The following CUX2 variants were observed in gnomAD, a reference collection of about 807,000 sequenced individuals.
CUX2 encodes homeobox protein cut-like 2.
A neutral mutation model predicts 144.8 loss-of-function variants in CUX2; 40 were observed. That is an observed-to-expected ratio of 0.28 (90% CI 0.21 to 0.36). CUX2 has a LOEUF of 0.36. Ranked by LOEUF, CUX2 falls within the 10% of genes least tolerant of loss-of-function variation. CUX2 has a pLI of 1.00. For missense variants in CUX2, 1,615 were observed against 1,994.0 expected, an observed-to-expected ratio of 0.81 and a Z score of 3.62; for synonymous variants, 827 against 875.6, an observed-to-expected ratio of 0.94 and a Z score of 0.98.
chr12:111,128,445 T>C (rs1255230777), intron 1 of CUX2, among the ~76,000 whole-genome samples: 2 of 152,198 alleles, frequency 1.3e-5, no homozygotes, highest in Non-Finnish European at 2.9e-5. Context: ...GAGAAGGCAG[T>C]GCAGCAGGAA....
chr12:111,100,039 G>C, intron 1 of CUX2: 4 of 456,850 alleles, frequency 8.8e-6, no homozygotes, highest in Non-Finnish European at 1.8e-5. Context: ...TGCTGCTGAC[G>C]GGCCCTCGGA....
intron 1 of CUX2, among the ~76,000 whole-genome samples, chr12:111,116,901 A>G (rs1167714061): frequency 3.3e-5 from 5 of 152,242 alleles, no homozygotes; most frequent in African/African-American, 9.6e-5. Context: ...GCAAGGGCAC[A>G]TACATTCATC....
intron 1 of CUX2, among the ~76,000 whole-genome samples, chr12:111,099,217 G>T (rs1873034630): frequency 6.6e-6 from 1 of 152,240 alleles, no homozygotes. Context: ...GCAGGAACGT[G>T]TGTTCAAGGT....
At position 111,293,640 on chromosome 12, in the gene CUX2, C is replaced by G; in HGVS notation, c.560+71C>G. The G allele has an allele frequency of 1.3e-6, 2 of 1,514,016 alleles. No individual in the cohort carries two copies. The highest frequency in any genetic ancestry group is 1.8e-6 in the Non-Finnish European group (2 of 1,127,330). 93.8% of individuals were successfully genotyped at this position (1,514,016 alleles called of 1,614,324 possible). ...CTCCTGCTGCCCCACCTGGCTGGGTCGTGGACGGGGAAAGTCTCCTACCAG... is the reference window on the plus strand; with the variant it reads ...CTCCTGCTGCCCCACCTGGCTGGGTGGTGGACGGGGAAAGTCTCCTACCAG... On this transcript the variant is annotated intron_variant, in intron 6 of 21. Transcript: ENST00000261726. The surrounding 1 kb of genome is among the most constrained non-coding windows in gnomAD (Gnocchi z 4.5).
In CUX2 at chr12:111,342,850, T is replaced by G. The variant is rs376344611; in HGVS notation, c.3659+797T>G. Among the ~76,000 whole-genome samples, 3 of 150,788 alleles carry G rather than the reference T, an allele frequency of 2.0e-5. No homozygotes were observed. The East Asian group carries it at 5.9e-4, about 30-fold the overall frequency. On this transcript the variant is annotated intron_variant, in intron 21 of 21. Coordinates refer to ENST00000261726, the MANE Select transcript of CUX2 (RefSeq NM_015267.4). ...GGTGCATGCCTATAGTGTCAACTAC[T>G]TGGGAGGCTGAGGCGGGAGACTCAT...
rs1592908295 is a variant in CUX2, at chr12:111,275,866, A to G, written c.301+12027A>G. The stretch of plus-strand genomic sequence containing the variant: ...CTTTGAACCTCAGGAGAGGCGGCCC[A>G]GGCTCAAGGTCTTGGGCAGGCCACA... On this transcript the variant is annotated intron_variant, in intron 4 of 21. Coordinates refer to ENST00000261726, the MANE Select transcript of CUX2 (RefSeq NM_015267.4). Among the ~76,000 whole-genome samples the G allele has an allele frequency of 4.6e-5, 7 of 152,248 alleles. No homozygotes were observed. In the South Asian group the frequency reaches 1.5e-3, roughly 32 times the overall value.
intron 18 of CUX2, among the ~76,000 whole-genome samples, chr12:111,332,149 T>G (rs1381185203): frequency 1.4e-5 from 2 of 147,990 alleles, no homozygotes; most frequent in Non-Finnish European, 3.0e-5. Flanking sequence ...TTTTTTTTTT[T>G]GGAAACAGAG....
chr12:111,310,388 G>C lies in CUX2; in HGVS notation c.1606G>C (p.Ala536Pro), dbSNP rs200889290. The C allele has an allele frequency of 6.2e-7, 1 of 1,605,288 alleles. No homozygotes were observed. The highest frequency in any genetic ancestry group is 8.5e-7 in the Non-Finnish European group (1 of 1,175,086). The stretch of plus-strand genomic sequence containing the variant: ...TGAGCCACTGGGCGGTCCTGAGCCC[G>C]CGGATGGTGGTGGGGGCGGAGCGGC... Reference protein sequence around the residue: ...GPEPLGGPEPADGGGGGAAGP... With the variant: ...GPEPLGGPEPPDGGGGGAAGP... The change falls in exon 15 of 22, where the codon GCG (alanine) becomes CCG (proline). Residue 536 changes from alanine to proline, a missense_variant. Ala to Pro is a conservative substitution (Grantham distance 27). Transcript: ENST00000261726. The surrounding 1 kb of genome is among the most constrained non-coding windows in gnomAD (Gnocchi z 7.9).
chr12:111,287,499 C>G lies in CUX2; in HGVS notation c.302-3919C>G, dbSNP rs1359544603. 6.6e-6 allele frequency among the ~76,000 whole-genome samples: 1 copy of G among 152,220 alleles called. No homozygotes were observed. The highest frequency in any genetic ancestry group is 1.5e-5 in the Non-Finnish European group (1 of 68,042). On this transcript the variant is annotated intron_variant, in intron 4 of 21. Transcript: ENST00000261726. The surrounding 1 kb of genome is among the most constrained non-coding windows in gnomAD (Gnocchi z 4.2). ...ATCCAGACTTGTAAATTAATTTGTT[C>G]GTGTTGTACAAAGGCAGTGCAGATG... is the stretch of plus-strand genomic sequence containing the variant.
At chr12:111,214,171 C>CT in intron 1 of CUX2, 29 bp from the exon 2 acceptor site, 1 of 1,176,622 alleles carries the variant, frequency 8.5e-7, no homozygotes, top group Non-Finnish European at 1.2e-6. Context: ...TTCTCTCTCT[C>CT]TCTTTTTTTT....
intron 1 of CUX2, among the ~76,000 whole-genome samples, chr12:111,040,162 C>T (rs192293148): frequency 1.4e-4 from 21 of 152,108 alleles, no homozygotes. Context: ...TGGCACCTGC[C>T]TGCAGTCCCA....
Position 111,121,013 on chromosome 12 carries a change from G to A in CUX2, c.63+86773G>A, listed in dbSNP as rs114311003. 4.4e-3 allele frequency among the ~76,000 whole-genome samples: 662 copies of A among 150,508 alleles called. 3 individuals carry two copies. Among genetic ancestry groups the A allele is most frequent in the African/African-American group, 0.016 (635 of 40,948 alleles). On this transcript the variant is annotated intron_variant, in intron 1 of 21. Transcript: ENST00000261726. The stretch of plus-strand genomic sequence containing the variant: ...ATTTCCAGATTCCTGCCTGTCACCC[G>A]CCAGACTTTTAAGGGTTCTACGCTT...
intron 1 of CUX2, among the ~76,000 whole-genome samples, chr12:111,064,806 G>A (rs1256998282): frequency 6.6e-6 from 1 of 152,176 alleles, no homozygotes; most frequent in African/African-American, 2.4e-5. Flanking sequence ...CCATCTCTGA[G>A]CCTCAGTCTT....
chr12:111,135,055 G>A (rs992400672), intron 1 of CUX2, among the ~76,000 whole-genome samples: 4 of 152,162 alleles, frequency 2.6e-5, no homozygotes, highest in Non-Finnish European at 4.4e-5. Context: ...GGGGACTGTT[G>A]ATTGAGCACC....
chr12:111,215,369 C>G (rs1881476699), intron 2 of CUX2, among the ~76,000 whole-genome samples: 1 of 152,180 alleles, frequency 6.6e-6, no homozygotes, highest in African/African-American at 2.4e-5. Flanking sequence ...GGGGAGAAGC[C>G]TCAGGTCCAC....
At chr12:111,179,040 A>C (rs977580786) in intron 1 of CUX2, among the ~76,000 whole-genome samples, 4 of 152,132 alleles carry the variant, frequency 2.6e-5, no homozygotes, top group African/African-American at 9.7e-5. Context: ...TGGAAGGATT[A>C]GTTTACCTTT....
intron 6 of CUX2, among the ~76,000 whole-genome samples, chr12:111,294,499 C>T (rs574389110): frequency 6.6e-6 from 1 of 150,640 alleles, no homozygotes; most frequent in African/African-American, 2.4e-5. Flanking sequence ...CAGAGGATCA[C>T]TTGAGCCCAG....
chr12:111,086,197 A>G (rs779172826), intron 1 of CUX2, among the ~76,000 whole-genome samples: 5 of 152,198 alleles, frequency 3.3e-5, no homozygotes, highest in Non-Finnish European at 7.3e-5. Flanking sequence ...GACATTGGCC[A>G]CTTCAGTGGT....
chr12:111,182,305 C>A (rs1879238116), intron 1 of CUX2, among the ~76,000 whole-genome samples: 1 of 152,196 alleles, frequency 6.6e-6, no homozygotes, highest in African/African-American at 2.4e-5. Context: ...AAACAGAGGA[C>A]CACTTCCACG....
Sources: gnomAD v4.1 joint callset for allele counts (sites outside exome capture counted in the v4.1 genomes callset) on GRCh38, gnomAD v4.1.1 for gene constraint, Gnocchi (gnomAD v3.1) non-coding constraint, MANE v1.5 for transcripts, NCBI Gene and HGNC (gene_info 2026-07-23, HGNC 2026-07-21) for gene names.